The following ITGB6 variants were observed in gnomAD, a reference collection of about 807,000 sequenced individuals.
ITGB6 encodes integrin beta-6.
ITGB6 carries 80 observed loss-of-function variants against 84.5 expected under a neutral mutation model. The observed-to-expected ratio is 0.95, with a 90% confidence interval of 0.79 to 1.14. The LOEUF is 1.14. Ranked by LOEUF, ITGB6 falls within the 50% of genes most tolerant of loss-of-function variation. The probability of loss-of-function intolerance (pLI) is 0.00; values close to 1 mark genes in which losing one functional copy is unlikely to be tolerated. For missense variants in ITGB6, 1,006 were observed against 968.0 expected (o/e 1.04, Z -0.52); for synonymous variants, 383 against 354.9 (o/e 1.08, Z -0.89).
intron 4 of ITGB6, among the ~76,000 whole-genome samples, chr2:160,175,296 G>A (rs1015287384): frequency 1.3e-5 from 2 of 152,172 alleles, no homozygotes; most frequent in African/African-American, 2.4e-5. Context: ...CTATATTTGT[G>A]AATTCACCTA....
chr2:160,166,004 A>G (rs1487092805), intron 7 of ITGB6, among the ~76,000 whole-genome samples: 1 of 152,240 alleles, frequency 6.6e-6, no homozygotes, highest in African/African-American at 2.4e-5. Flanking sequence ...CAATTTTTAA[A>G]TCATTTGACA....
intron 12 of ITGB6, among the ~76,000 whole-genome samples, chr2:160,117,237 A>T (rs1230032546): frequency 1.3e-5 from 2 of 152,218 alleles, no homozygotes; most frequent in Non-Finnish European, 2.9e-5. Flanking sequence ...CACCACACCT[A>T]TTCCAAAAGT....
At chr2:160,111,459 C>T (rs1007920722) in intron 13 of ITGB6, among the ~76,000 whole-genome samples, 2 of 152,064 alleles carry the variant, frequency 1.3e-5, no homozygotes, top group Non-Finnish European at 2.9e-5. Context: ...GTATGCATTT[C>T]AAAGGAGTTG....
At chr2:160,108,727 A>G (rs1177821226) in intron 13 of ITGB6, among the ~76,000 whole-genome samples, 1 of 152,210 alleles carries the variant, frequency 6.6e-6, no homozygotes, top group Admixed American at 6.5e-5. Context: ...ATCCTCAAGC[A>G]AGTCTGGGAA....
In ITGB6 at chr2:160,126,537, G is replaced by A; in HGVS notation, c.1725C>T (p.Asn575=). 1 of 1,614,034 alleles carries A rather than the reference G, an allele frequency of 6.2e-7. No homozygotes were observed. The highest frequency in any genetic ancestry group is 8.5e-7 in the Non-Finnish European group (1 of 1,179,992). ...CGCAGGAGTCCGTGCTGGTGGTGCA[G>A]TTGCAGTACTCGCCAGTCCAGCCGC... is the stretch of plus-strand genomic sequence containing the variant. ...CRSGWTGEYC[N]CTTSTDSCVS... is the part of the protein sequence containing the mutation. The change falls in exon 11 of 15, where the codon AAC becomes AAT. Residue 575 remains asparagine (N), a synonymous_variant. Coordinates refer to ENST00000283249, the MANE Select transcript of ITGB6 (RefSeq NM_000888.5).
chr2:160,158,788 A>G (rs952966050), intron 7 of ITGB6, among the ~76,000 whole-genome samples: 1 of 152,226 alleles, frequency 6.6e-6, no homozygotes, highest in African/African-American at 2.4e-5. Flanking sequence ...CAGCAACATC[A>G]TCTGGAAACT....
At chr2:160,114,943 G>A (rs4664314) in intron 12 of ITGB6, among the ~76,000 whole-genome samples, 97,369 of 152,096 alleles carry the variant, frequency 0.64, 31,584 homozygotes, top group Admixed American at 0.72. Context: ...CAGCGAGGCT[G>A]GGGGAGGGGC....
intron 8 of ITGB6, among the ~76,000 whole-genome samples, chr2:160,140,442 A>G (rs1050325768): frequency 1.3e-5 from 2 of 152,290 alleles, no homozygotes; most frequent in Middle Eastern, 3.4e-3. Context: ...TGGAGGGGGA[A>G]ATATTTTTGA....
chr2:160,178,212 G>C (rs537387340), intron 4 of ITGB6, among the ~76,000 whole-genome samples: 7 of 152,286 alleles, frequency 4.6e-5, no homozygotes, highest in Admixed American at 1.3e-4. Context: ...AACACCACTG[G>C]CCTCAGTGTC....
intron 10 of ITGB6, among the ~76,000 whole-genome samples, chr2:160,135,477 C>A (rs1683670084): frequency 6.6e-6 from 1 of 150,810 alleles, no homozygotes; most frequent in Non-Finnish European, 1.5e-5. Flanking sequence ...GGCCATACTG[C>A]CCAAGGTAAT....
intron 1 of ITGB6, among the ~76,000 whole-genome samples, chr2:160,199,573 T>C (rs1448402751): frequency 6.6e-6 from 1 of 152,228 alleles, no homozygotes; most frequent in Non-Finnish European, 1.5e-5. Flanking sequence ...TGTGCCACTT[T>C]AATTTTTAAA....
At chr2:160,136,054 G>A (rs1254209515) in intron 10 of ITGB6, among the ~76,000 whole-genome samples, 1 of 152,138 alleles carries the variant, frequency 6.6e-6, no homozygotes, top group Non-Finnish European at 1.5e-5. Context: ...ACTGACAAAT[G>A]GGATCTAATT....
chr2:160,157,748 C>CAAAAAA (rs11364475), intron 7 of ITGB6, among the ~76,000 whole-genome samples: 3 of 84,142 alleles, frequency 3.6e-5, no homozygotes, highest in Non-Finnish European at 4.4e-5. Flanking sequence ...AGCACAGAGG[C>CAAAAAA]AAAAAAAAAA....
chr2:160,110,858 G>A (rs1444237339), intron 13 of ITGB6, among the ~76,000 whole-genome samples: 2 of 152,204 alleles, frequency 1.3e-5, no homozygotes, highest in Non-Finnish European at 2.9e-5. Flanking sequence ...GCCCCTGGAA[G>A]TGCCAGGCCT....
intron 14 of ITGB6, among the ~76,000 whole-genome samples, chr2:160,103,527 C>A (rs1553475332): frequency 2.6e-5 from 4 of 152,118 alleles, no homozygotes; most frequent in African/African-American, 7.2e-5. Context: ...TTCTGAGGGA[C>A]CTCCAGATCT....
At chr2:160,145,977 G>T (rs1684171592) in intron 7 of ITGB6, among the ~76,000 whole-genome samples, 1 of 152,048 alleles carries the variant, frequency 6.6e-6, no homozygotes, top group African/African-American at 2.4e-5. Flanking sequence ...CCTTGATTTG[G>T]TTTCTGCTTT....
At chr2:160,119,427 G>A (rs62177894) in intron 12 of ITGB6, among the ~76,000 whole-genome samples, 100,968 of 151,362 alleles carry the variant, frequency 0.67, 34,041 homozygotes, top group Admixed American at 0.74. Context: ...AGGATTCCCT[G>A]TTTAATAAAT....
intron 4 of ITGB6, among the ~76,000 whole-genome samples, chr2:160,190,243 T>C (rs1686087952): frequency 1.3e-5 from 2 of 150,922 alleles, no homozygotes; most frequent in African/African-American, 2.4e-5. Context: ...TTAGGAGATA[T>C]ACCTAATGCT....
intron 8 of ITGB6, among the ~76,000 whole-genome samples, chr2:160,140,653 T>C (rs1451431714): frequency 6.6e-6 from 1 of 152,202 alleles, no homozygotes; most frequent in Non-Finnish European, 1.5e-5. Flanking sequence ...TGATGAGCAT[T>C]CCTGACTGGA....
Sources: gnomAD v4.1 joint callset for allele counts (sites outside exome capture counted in the v4.1 genomes callset) on GRCh38, gnomAD v4.1.1 for gene constraint, MANE v1.5 for transcripts, NCBI Gene and HGNC (gene_info 2026-07-23, HGNC 2026-07-21) for gene names.